STK32B: variants seen among roughly 807,000 people sequenced by gnomAD.
The protein encoded by STK32B is serine/threonine kinase 32B, also known as serine/threonine-protein kinase 32B.
Under a neutral mutation model 52.6 loss-of-function variants are expected in STK32B, and 43 were observed. The observed-to-expected ratio is 0.82, with a 90% CI of 0.64 to 1.05. The LOEUF is 1.05. STK32B is among the 50% of genes least tolerant of loss of function. STK32B has a pLI of 0.00. For synonymous variants in STK32B, 238 were observed against 204.3 expected (o/e 1.17, Z -1.41); for missense variants, 621 against 534.6 (o/e 1.16, Z -1.59).
At chr4:5,020,920 C>G in the STK32B span, among the ~76,000 whole-genome samples, 1 of 152,146 alleles carries the variant, frequency 6.6e-6, no homozygotes, top group Non-Finnish European at 1.5e-5. Flanking sequence ...AGCAGTGGAG[C>G]CCTGGAGCTA....
At chr4:5,246,790 C>T (rs577256538) in intron 3 of STK32B, among the ~76,000 whole-genome samples, 114 of 152,306 alleles carry the variant, frequency 7.5e-4, no homozygotes, top group African/African-American at 2.5e-3. Flanking sequence ...TTCCTTCTAA[C>T]AGTCAGGACC....
intron 6 of STK32B, among the ~76,000 whole-genome samples, chr4:5,421,727 A>G (rs1287635227): frequency 6.6e-6 from 1 of 152,166 alleles, no homozygotes; most frequent in Admixed American, 6.5e-5. Context: ...ACTCTCCTCC[A>G]TGGCCCTGCT....
intron 3 of STK32B, among the ~76,000 whole-genome samples, chr4:5,242,720 G>C (rs1421909693): frequency 1.3e-5 from 2 of 152,070 alleles, no homozygotes; most frequent in African/African-American, 4.8e-5. Flanking sequence ...GGTCTAACAT[G>C]TAAGTCTTTA....
At position 5,466,693 on chromosome 4, in the gene STK32B, TC is replaced by T. The variant is rs755031993; in HGVS notation, c.910-6del. ...AGACAGACCATGTTTTCTTTTCTAC[TC>T]CCCTTTAGAAAGGGAGGTTGAACTG... On this transcript the variant is annotated splice_polypyrimidine_tract_variant and intron_variant, in intron 9 of 11. Coordinates refer to ENST00000282908, the MANE Select transcript of STK32B (RefSeq NM_018401.3). 5.0e-6 allele frequency: 8 copies of T among 1,607,136 alleles called. No individual in the cohort carries two copies. In the African/African-American group the frequency reaches 8.0e-5, roughly 16 times the overall value.
intron 3 of STK32B, among the ~76,000 whole-genome samples, chr4:5,301,228 C>T (rs11725612): frequency 0.14 from 21,116 of 151,820 alleles, 2,930 homozygotes; most frequent in African/African-American, 0.36. Context: ...GATATTGATA[C>T]GTAGTTTTCT....
At chr4:5,163,810 T>G (rs1392856039) in intron 2 of STK32B, among the ~76,000 whole-genome samples, 1 of 152,210 alleles carries the variant, frequency 6.6e-6, no homozygotes, top group Non-Finnish European at 1.5e-5. Context: ...ACATTAAACC[T>G]TAAACTACCA....
intron 5 of STK32B, among the ~76,000 whole-genome samples, chr4:5,412,321 T>G (rs1711763022): frequency 6.6e-6 from 1 of 152,236 alleles, no homozygotes; most frequent in Non-Finnish European, 1.5e-5. Flanking sequence ...GGAAATCTTG[T>G]TGGGCACTAA....
chr4:5,371,010 A>G (rs903900077), intron 4 of STK32B, among the ~76,000 whole-genome samples: 18 of 148,706 alleles, frequency 1.2e-4, no homozygotes, highest in African/African-American at 3.7e-4. Context: ...ATATATATAT[A>G]TGTATATATA....
intron 6 of STK32B, among the ~76,000 whole-genome samples, chr4:5,417,629 C>A (rs937549048): frequency 3.3e-5 from 5 of 152,106 alleles, no homozygotes; most frequent in Admixed American, 6.5e-5. Context: ...GTTCTCCCAC[C>A]TGATTTCTGA....
At chr4:5,083,237 G>A (rs1272705572) in intron 1 of STK32B, among the ~76,000 whole-genome samples, 1 of 152,088 alleles carries the variant, frequency 6.6e-6, no homozygotes, top group Non-Finnish European at 1.5e-5. Context: ...TTTAGCTTTA[G>A]TTAATAGTTC....
chr4:5,095,190 A>T (rs901310429), intron 1 of STK32B, among the ~76,000 whole-genome samples: 12 of 152,196 alleles, frequency 7.9e-5, no homozygotes, highest in Non-Finnish European at 1.3e-4. Flanking sequence ...GTTCAGGTTC[A>T]GGTGGGTAAG....
Position 5,065,071 on chromosome 4 carries a change from T to C in STK32B, c.52+13156T>C, listed in dbSNP as rs967765499. Among the ~76,000 whole-genome samples the C allele has an allele frequency of 2.6e-5, 4 of 151,918 alleles. No individual in the cohort carries two copies. The South Asian group carries it at 8.3e-4, about 31-fold the overall frequency. On this transcript the variant is annotated intron_variant, in intron 1 of 11. Coordinates refer to ENST00000282908, the MANE Select transcript of STK32B (RefSeq NM_018401.3). Reference sequence around the variant, plus strand: ...AAGCCTGGAGTTCAAGACTGAGCAATTGGACCTCTTACTTAGCTTTTTGTA... The same window carrying C: ...AAGCCTGGAGTTCAAGACTGAGCAACTGGACCTCTTACTTAGCTTTTTGTA...
chr4:5,444,195 C>A (rs993218849), intron 6 of STK32B, among the ~76,000 whole-genome samples: 1 of 152,200 alleles, frequency 6.6e-6, no homozygotes, highest in African/African-American at 2.4e-5. Flanking sequence ...CGCCCCTCCC[C>A]CAGCCTCGCT....
intron 11 of STK32B, among the ~76,000 whole-genome samples, chr4:5,479,263 G>A (rs1718494264): frequency 6.6e-6 from 1 of 151,586 alleles, no homozygotes; most frequent in African/African-American, 2.4e-5. Flanking sequence ...GGGATTACAG[G>A]CGCCCACCAC....
In STK32B at chr4:5,051,894, G is replaced by T; in HGVS notation, c.31G>T (p.Val11Leu). The stretch of plus-strand genomic sequence containing the variant: ...CGGGAACCACTCCCACAAGCCCCCC[G>T]TGTTTGACGAGAATGAGGAAGGTAA... Reference protein sequence around the residue: MGGNHSHKPPVFDENEEVNFD... With the variant: MGGNHSHKPPLFDENEEVNFD... Residue 11 changes from valine (V) to leucine (L), a missense_variant, in exon 1 of 12, where the codon GTG becomes TTG. By Grantham distance (32) the Val-to-Leu change is conservative. Coordinates refer to ENST00000282908, the MANE Select transcript of STK32B (RefSeq NM_018401.3). 1 of 1,600,186 alleles carries T rather than the reference G, an allele frequency of 6.2e-7. No individual in the cohort carries two copies. Among genetic ancestry groups the T allele is most frequent in the Non-Finnish European group, 8.5e-7 (1 of 1,173,784 alleles).
chr4:5,365,136 C>T (rs1000605435), intron 4 of STK32B, among the ~76,000 whole-genome samples: 4 of 152,154 alleles, frequency 2.6e-5, no homozygotes, highest in African/African-American at 9.7e-5. Flanking sequence ...TCGGCCCCCC[C>T]AAAGTGCTGG....
chr4:5,054,332 G>C (rs1034350366), intron 1 of STK32B, among the ~76,000 whole-genome samples: 2 of 152,130 alleles, frequency 1.3e-5, no homozygotes, highest in Non-Finnish European at 2.9e-5. Flanking sequence ...TCCTGGAGGA[G>C]GGTCCCTAAC....
Position 5,378,299 on chromosome 4 carries a change from G to C in STK32B, c.435-19908G>C, listed in dbSNP as rs1255727913. Among the ~76,000 whole-genome samples, 1 of 152,154 alleles carries C rather than the reference G, an allele frequency of 6.6e-6. No homozygotes were observed. The highest frequency in any genetic ancestry group is 1.9e-4 in the East Asian group (1 of 5,180). On this transcript the variant is annotated intron_variant, in intron 4 of 11. Transcript: ENST00000282908. This position sits in a 1 kb window ranked among gnomAD's most constrained non-coding sequence, Gnocchi z 4.4. Reference sequence around the variant, plus strand: ...GACAAGGATGACAGTCCATGGTAACGGTTTTCACACTTGAGGCTGCAGATC... The same window carrying C: ...GACAAGGATGACAGTCCATGGTAACCGTTTTCACACTTGAGGCTGCAGATC...
intron 4 of STK32B, among the ~76,000 whole-genome samples, chr4:5,346,504 G>T (rs1412770047): frequency 6.6e-6 from 1 of 152,208 alleles, no homozygotes; most frequent in African/African-American, 2.4e-5. Flanking sequence ...GAGCAAGACT[G>T]TGAAGCCGAC....
Sources: gnomAD v4.1 joint callset for allele counts (sites outside exome capture counted in the v4.1 genomes callset) on GRCh38, gnomAD v4.1.1 for gene constraint, Gnocchi (gnomAD v3.1) non-coding constraint, MANE v1.5 for transcripts, NCBI Gene and HGNC (gene_info 2026-07-23, HGNC 2026-07-21) for gene names.